The following NAALADL2 variants were observed in gnomAD, a reference collection of about 807,000 sequenced individuals.
NAALADL2 encodes N-acetylated alpha-linked acidic dipeptidase like 2.
NAALADL2 carries 76 observed loss-of-function variants against 87.2 expected under a neutral mutation model. The ratio of observed to expected loss-of-function variants is 0.87; its 90% confidence interval spans 0.72 to 1.05. The LOEUF (loss-of-function observed/expected upper bound fraction) is 1.05, where lower values mean the gene tolerates loss of function less well. Ranked by LOEUF, NAALADL2 falls within the 50% of genes least tolerant of loss-of-function variation. NAALADL2 has a pLI of 0.00. For missense variants in NAALADL2, 1,089 were observed against 945.8 expected (o/e 1.15, Z -1.99); for synonymous variants, 354 against 331.0 (o/e 1.07, Z -0.75).
intron 11 of NAALADL2, among the ~76,000 whole-genome samples, chr3:175,726,044 A>T (rs971355184): frequency 7.2e-5 from 11 of 152,188 alleles, no homozygotes; most frequent in Admixed American, 5.9e-4. Flanking sequence ...AAATATTAAC[A>T]TACTGTGGTC....
At chr3:175,502,316 G>A (rs1729668806) in intron 9 of NAALADL2, among the ~76,000 whole-genome samples, 1 of 151,792 alleles carries the variant, frequency 6.6e-6, no homozygotes, top group African/African-American at 2.4e-5. Flanking sequence ...GCTGAGTAAA[G>A]CAGATTTTCC....
intron 10 of NAALADL2, among the ~76,000 whole-genome samples, chr3:175,610,142 A>G (rs926284028): frequency 6.6e-6 from 1 of 152,202 alleles, no homozygotes; most frequent in Non-Finnish European, 1.5e-5. Context: ...CACATTAAGG[A>G]CTTAAACATA....
intron 1 of NAALADL2, among the ~76,000 whole-genome samples, chr3:175,014,225 A>G (rs996389752): frequency 6.6e-6 from 1 of 151,948 alleles, no homozygotes. Context: ...TTTGCCCGTG[A>G]TGTTGCTTCT....
intron 3 of NAALADL2, among the ~76,000 whole-genome samples, chr3:174,827,172 C>A (rs1722090525): frequency 6.6e-6 from 1 of 152,064 alleles, no homozygotes; most frequent in Non-Finnish European, 1.5e-5. Flanking sequence ...CTTGCAGTAA[C>A]TTTAAGTCAT....
intron 11 of NAALADL2, among the ~76,000 whole-genome samples, chr3:175,687,518 G>A (rs1053275930): frequency 6.6e-6 from 1 of 152,178 alleles, no homozygotes; most frequent in Admixed American, 6.6e-5. Flanking sequence ...ATATGGAGGA[G>A]TTAGTGGTGA....
At chr3:174,946,043 CAAAAAAAA>C (rs57964168) in intron 1 of NAALADL2, among the ~76,000 whole-genome samples, 4 of 50,262 alleles carry the variant, frequency 8.0e-5, no homozygotes, top group East Asian at 5.8e-4. Context: ...GACTCTGCCT[CAAAAAAAA>C]AAAAAAAAAA....
At chr3:174,716,313 CA>C (rs1731184570) in intron 2 of NAALADL2, among the ~76,000 whole-genome samples, 1 of 150,532 alleles carries the variant, frequency 6.6e-6, no homozygotes, top group Admixed American at 6.6e-5. Context: ...ACTACTGTCA[CA>C]TCTAGTACTC....
At chr3:175,230,845 T>C (rs1402940176) in intron 2 of NAALADL2, among the ~76,000 whole-genome samples, 1 of 152,062 alleles carries the variant, frequency 6.6e-6, no homozygotes, top group East Asian at 1.9e-4. Context: ...AAAAATCTTT[T>C]AAAGGCATTT....
In NAALADL2 at chr3:175,062,476, C is replaced by CTCTG. The variant is rs1713699459; in HGVS notation, c.44-34313_44-34312insCTGT. 2.3e-5 allele frequency among the ~76,000 whole-genome samples: 3 copies of CTCTG among 131,568 alleles called. No homozygotes were observed. The South Asian group carries it at 8.1e-4, about 35-fold the overall frequency. The allele number at this position is 131,568 out of a possible 152,430, so 86.3% of individuals were successfully genotyped here. On this transcript the variant is annotated intron_variant, in intron 1 of 13. Coordinates refer to ENST00000454872, the MANE Select transcript of NAALADL2 (RefSeq NM_207015.3). ...CCTGTTTGTAGGGCTGGAAGTTTGG[C>CTCTG]TGTGTGTGTGTGTGTGTGTGTGTGT...
At chr3:174,954,553 A>T (rs957204695) in intron 1 of NAALADL2, among the ~76,000 whole-genome samples, 1 of 152,106 alleles carries the variant, frequency 6.6e-6, no homozygotes, top group Non-Finnish European at 1.5e-5. Context: ...AAAGTTAGAT[A>T]AAAGAGTATA....
chr3:174,680,949 T>C (rs79112276), intron 2 of NAALADL2, among the ~76,000 whole-genome samples: 9,185 of 152,234 alleles, frequency 0.06, 731 homozygotes, highest in African/African-American at 0.18. Flanking sequence ...GGAAAGAGCA[T>C]CTTGAATTGG....
chr3:174,773,348 A>C (rs1488831759), intron 3 of NAALADL2, among the ~76,000 whole-genome samples: 1 of 152,202 alleles, frequency 6.6e-6, no homozygotes, highest in Non-Finnish European at 1.5e-5. Context: ...TCACAGTGGA[A>C]GCCTAGTGTA....
intron 11 of NAALADL2, among the ~76,000 whole-genome samples, chr3:175,690,017 C>T (rs551489670): frequency 6.6e-6 from 1 of 152,094 alleles, no homozygotes; most frequent in East Asian, 1.9e-4. Context: ...ATAATACTTC[C>T]TGCACTGAAA....
chr3:174,599,917 A>G (rs1718275980), intron 2 of NAALADL2, among the ~76,000 whole-genome samples: 1 of 152,126 alleles, frequency 6.6e-6, no homozygotes, highest in Non-Finnish European at 1.5e-5. Flanking sequence ...TAGTGGAGTA[A>G]GTCTTTGAAG....
chr3:175,599,899 T>C (rs1722730269), intron 10 of NAALADL2, among the ~76,000 whole-genome samples: 1 of 152,134 alleles, frequency 6.6e-6, no homozygotes, highest in Non-Finnish European at 1.5e-5. Flanking sequence ...AGATTAAACA[T>C]TGTTGCCTAA....
chr3:175,159,100 A>C, intron 2 of NAALADL2, among the ~76,000 whole-genome samples: 1 of 152,180 alleles, frequency 6.6e-6, no homozygotes. Context: ...AAAGCATATA[A>C]ATTCAGATCG....
intron 1 of NAALADL2, among the ~76,000 whole-genome samples, chr3:174,937,850 A>G (rs1338274948): frequency 6.6e-6 from 1 of 152,096 alleles, no homozygotes; most frequent in Non-Finnish European, 1.5e-5. Flanking sequence ...TCTGTGTGCC[A>G]TAGACAAATA....
chr3:174,680,864 G>C (rs1727472935), intron 2 of NAALADL2, among the ~76,000 whole-genome samples: 1 of 152,116 alleles, frequency 6.6e-6, no homozygotes, highest in African/African-American at 2.4e-5. Flanking sequence ...ACCTTCATAA[G>C]AACTAAAAAT....
At chr3:175,349,466 T>A (rs1763508128) in intron 5 of NAALADL2, among the ~76,000 whole-genome samples, 1 of 152,130 alleles carries the variant, frequency 6.6e-6, no homozygotes, top group Non-Finnish European at 1.5e-5. Context: ...AAGAGGTAAC[T>A]GGAAAAGGCC....
Sources: allele counts gnomAD v4.1 joint callset (sites outside exome capture counted in the v4.1 genomes callset), GRCh38; gene constraint gnomAD v4.1.1; transcripts MANE v1.5; gene names NCBI Gene and HGNC (gene_info 2026-07-23, HGNC 2026-07-21).